AFG1L: variants seen among roughly 807,000 people sequenced by gnomAD.
AFG1L encodes AFG1 like ATPase.
A neutral mutation model predicts 62.2 loss-of-function variants in AFG1L; 53 were observed. The ratio of observed to expected loss-of-function variants is 0.85; its 90% CI spans 0.68 to 1.07. AFG1L has a LOEUF of 1.07. Among genes scored for constraint, AFG1L ranks in the 50% least tolerant of loss-of-function variants. The pLI, the probability that AFG1L is intolerant of heterozygous loss-of-function variation, is 0.00. For synonymous variants in AFG1L, 228 were observed against 210.3 expected, an observed-to-expected ratio of 1.08 and a Z score of -0.73; for missense variants, 555 against 590.5, an observed-to-expected ratio of 0.94 and a Z score of 0.62.
At chr6:108,385,403 C>T (rs1197558758) in intron 6 of AFG1L, among the ~76,000 whole-genome samples, 4 of 152,212 alleles carry the variant, frequency 2.6e-5, no homozygotes, top group Admixed American at 6.5e-5. Context: ...CATGAGTGAT[C>T]GATGCCTTAA....
intron 7 of AFG1L, among the ~76,000 whole-genome samples, chr6:108,417,304 A>AAAAAAG (rs1206343524): frequency 6.6e-6 from 1 of 151,506 alleles, no homozygotes; most frequent in Non-Finnish European, 1.5e-5. Flanking sequence ...AAAACGGGGA[A>AAAAAAG]AAAAAGAAAA....
intron 8 of AFG1L, among the ~76,000 whole-genome samples, chr6:108,474,542 A>G (rs377726170): frequency 2.0e-4 from 31 of 152,278 alleles, no homozygotes; most frequent in African/African-American, 7.2e-4. Context: ...CCTTACCAGC[A>G]TCTGTTGTTT....
intron 6 of AFG1L, among the ~76,000 whole-genome samples, chr6:108,401,167 G>A (rs888289400): frequency 2.2e-5 from 3 of 134,506 alleles, no homozygotes; most frequent in East Asian, 2.1e-4. Flanking sequence ...ACGGAGTCTC[G>A]CTCTGTCGCC....
intron 1 of AFG1L, among the ~76,000 whole-genome samples, chr6:108,315,842 G>A (rs1777569417): frequency 6.6e-6 from 1 of 152,164 alleles, no homozygotes; most frequent in Admixed American, 6.5e-5. Context: ...GAGCCCAGGA[G>A]TTTAAGACCA....
At chr6:108,311,515 G>A (rs1387224431) in intron 1 of AFG1L, among the ~76,000 whole-genome samples, 1 of 151,916 alleles carries the variant, frequency 6.6e-6, no homozygotes, top group African/African-American at 2.4e-5. Flanking sequence ...TTTTTTGCTT[G>A]TTTGTTTTGT....
At chr6:108,347,118 A>G (rs981121866) in intron 3 of AFG1L, 79 bp downstream of exon 3, 45 of 1,202,532 alleles carry the variant, frequency 3.7e-5, no homozygotes, top group Admixed American at 1.9e-4. Context: ...TTCTATTTCT[A>G]TCCCTCAATC....
At chr6:108,319,279 C>T (rs1777723197) in intron 1 of AFG1L, among the ~76,000 whole-genome samples, 1 of 152,092 alleles carries the variant, frequency 6.6e-6, no homozygotes, top group Non-Finnish European at 1.5e-5. Flanking sequence ...CTCGTTCTGT[C>T]ACCCAGACAG....
intron 1 of AFG1L, among the ~76,000 whole-genome samples, chr6:108,304,514 A>C (rs1001015133): frequency 2.6e-5 from 4 of 152,256 alleles, no homozygotes; most frequent in Non-Finnish European, 4.4e-5. Flanking sequence ...ACAAATGTAC[A>C]AATAACTCAT....
chr6:108,324,060 G>A lies in AFG1L; in HGVS notation c.363+12G>A, dbSNP rs773574325. On this transcript the variant is annotated intron_variant, in intron 2 of 12. Transcript: ENST00000368977. ...GCCTTTTTTCAAAGGTGAGGCTTGT[G>A]TGATATGAAAGATTAAACAGTTAAA... 2 of 1,572,442 alleles carry A rather than the reference G, an allele frequency of 1.3e-6. No individual in the cohort carries two copies. The highest frequency in any genetic ancestry group is 1.7e-6 in the Non-Finnish European group (2 of 1,145,664).
At position 108,519,729 on chromosome 6, in the gene AFG1L, A is replaced by G; in HGVS notation, c.1236A>G (p.Ile412Met). ...VRIICSASTP[I>M]SSLFLHQHHD... ...TAATTTGCTCTGCGTCGACTCCTAT[A>G]TCAAGCTTATTTTTGCATCAACATC... Residue 412 changes from isoleucine (I) to methionine (M), a missense_variant, in exon 12 of 13, where the codon ATA (isoleucine) becomes ATG (methionine). Ile to Met is a conservative substitution (Grantham distance 10). Coordinates refer to ENST00000368977, the MANE Select transcript of AFG1L (RefSeq NM_145315.5). The G allele has an allele frequency of 6.2e-7, 1 of 1,613,222 alleles. No homozygotes were observed. The highest frequency in any genetic ancestry group is 2.2e-5 in the East Asian group (1 of 44,872).
At chr6:108,403,361 G>A (rs1242683212) in intron 7 of AFG1L, among the ~76,000 whole-genome samples, 1 of 152,114 alleles carries the variant, frequency 6.6e-6, no homozygotes, top group East Asian at 1.9e-4. Context: ...GACATAATCA[G>A]ACAATCTTTT....
intron 1 of AFG1L, among the ~76,000 whole-genome samples, chr6:108,313,783 G>C (rs1423268891): frequency 2.0e-5 from 3 of 152,154 alleles, no homozygotes; most frequent in Admixed American, 1.3e-4. Context: ...CCAGTGATCT[G>C]CCTGCTTCGG....
At chr6:108,462,431 G>A (rs1328494911) in intron 8 of AFG1L, among the ~76,000 whole-genome samples, 3 of 151,940 alleles carry the variant, frequency 2.0e-5, no homozygotes, top group South Asian at 2.1e-4. Flanking sequence ...AAACACTCCC[G>A]AATCACAAAA....
intron 1 of AFG1L, among the ~76,000 whole-genome samples, chr6:108,301,372 C>T (rs1225381376): frequency 2.6e-5 from 4 of 152,182 alleles, no homozygotes; most frequent in African/African-American, 9.7e-5. Flanking sequence ...ATGCCTCTGA[C>T]ATTTCCCCCC....
intron 7 of AFG1L, among the ~76,000 whole-genome samples, chr6:108,406,010 A>G (rs973039068): frequency 6.6e-6 from 1 of 152,170 alleles, no homozygotes; most frequent in African/African-American, 2.4e-5. Flanking sequence ...GATATGCCAC[A>G]TTTTGTTTAT....
intron 6 of AFG1L, among the ~76,000 whole-genome samples, chr6:108,392,334 A>G (rs921494839): frequency 1.3e-5 from 2 of 152,208 alleles, no homozygotes; most frequent in Non-Finnish European, 2.9e-5. Flanking sequence ...AAAATTATTA[A>G]AAATATTGTA....
intron 10 of AFG1L, among the ~76,000 whole-genome samples, chr6:108,478,162 G>C (rs1773191031): frequency 6.6e-6 from 1 of 152,240 alleles, no homozygotes; most frequent in Non-Finnish European, 1.5e-5. Flanking sequence ...TGACGGCCGG[G>C]TGCGGTGGCT....
At position 108,519,824 on chromosome 6, in the gene AFG1L, A is replaced by G. The variant is rs1775053582; in HGVS notation, c.1317+14A>G. ...GGGCTGAGCCAGGTAGGCGATATTA[A>G]CATAATCTCTTTTTATTATAAAACA... is the stretch of plus-strand genomic sequence containing the variant. On this transcript the variant is annotated intron_variant, in intron 12 of 12. Transcript: ENST00000368977. 1 of 1,499,182 alleles carries G rather than the reference A, an allele frequency of 6.7e-7. No homozygotes were observed. Among genetic ancestry groups the G allele is most frequent in the East Asian group, 2.3e-5 (1 of 44,200 alleles). 92.9% of individuals were successfully genotyped at this position (1,499,182 alleles called of 1,614,324 possible). A position where few individuals can be genotyped will look rare whatever the true frequency, so the allele number is the denominator to read the frequency against.
intron 6 of AFG1L, among the ~76,000 whole-genome samples, chr6:108,384,692 G>T (rs557569552): frequency 2.9e-3 from 436 of 152,238 alleles, no homozygotes; most frequent in African/African-American, 9.9e-3. Flanking sequence ...CTGGGAGAGG[G>T]TGAGGTAAAG....
Sources: gnomAD v4.1 joint callset for allele counts (sites outside exome capture counted in the v4.1 genomes callset) on GRCh38, gnomAD v4.1.1 for gene constraint, MANE v1.5 for transcripts, NCBI Gene and HGNC (gene_info 2026-07-23, HGNC 2026-07-21) for gene names.